The following SRP19 variants were observed in gnomAD, a reference collection of about 807,000 sequenced individuals.
SRP19 encodes the protein signal recognition particle 19 kDa protein.
SRP19 carries 11 observed loss-of-function variants against 22.4 expected under a neutral mutation model. That is an observed-to-expected ratio of 0.49 (90% CI 0.31 to 0.81). SRP19 has a LOEUF of 0.81. SRP19 is among the 40% of genes least tolerant of loss of function. The pLI is 0.05. For synonymous variants in SRP19, 61 were observed against 57.6 expected (o/e 1.06, Z -0.27); for missense variants, 168 against 175.9 (o/e 0.96, Z 0.25).
chr5:112,891,472 G>A, intron 4 of SRP19: 2 of 886,298 alleles, frequency 2.3e-6, no homozygotes, highest in Admixed American at 5.9e-5. Flanking sequence ...ATATAAAGGA[G>A]AAACAAAATG....
At chr5:112,882,317 C>T (rs1768104228) in intron 4 of SRP19, among the ~76,000 whole-genome samples, 1 of 152,070 alleles carries the variant, frequency 6.6e-6, no homozygotes, top group African/African-American at 2.4e-5. Flanking sequence ...TGCTTTTTTG[C>T]TCATTGTAGA....
Position 112,867,834 on chromosome 5 carries a change from A to G in SRP19, c.*297A>G. The G allele has an allele frequency of 1.9e-6, 2 of 1,061,112 alleles. No individual in the cohort carries two copies. The highest frequency in any genetic ancestry group is 2.3e-6 in the Non-Finnish European group (2 of 878,280). 65.7% of individuals were successfully genotyped at this position (1,061,112 alleles called of 1,614,324 possible). ...TAAGTTACTTGAAATAAGTTGTTTC[A>G]GATAAATTTCAATTAGATTTAAAAT... On this transcript the variant is annotated 3_prime_UTR_variant, in exon 5 of 5. Transcript: ENST00000505459.
intron 4 of SRP19, among the ~76,000 whole-genome samples, chr5:112,866,602 T>A (rs1380384721): frequency 6.6e-6 from 1 of 152,210 alleles, no homozygotes; most frequent in African/African-American, 2.4e-5. Flanking sequence ...AGAGCTGAGA[T>A]TACAGACATG....
At chr5:112,879,616 T>A (rs1008856812) in intron 4 of SRP19, among the ~76,000 whole-genome samples, 1 of 151,940 alleles carries the variant, frequency 6.6e-6, no homozygotes, top group South Asian at 2.1e-4. Context: ...TGGGACTACA[T>A]GCACTCACCA....
At chr5:112,865,585 A>G (rs939225150) in intron 4 of SRP19, among the ~76,000 whole-genome samples, 7 of 151,806 alleles carry the variant, frequency 4.6e-5, no homozygotes. Flanking sequence ...AAATCGTCAG[A>G]CGAACTGACA....
At chr5:112,864,997 C>T in intron 4 of SRP19, 1 of 274,978 alleles carries the variant, frequency 3.6e-6, no homozygotes, top group Non-Finnish European at 6.8e-6. Flanking sequence ...TCTGTCATTG[C>T]TCCCAGGTTA....
intron 1 of SRP19, among the ~76,000 whole-genome samples, chr5:112,862,202 A>T (rs1767425863): frequency 6.6e-6 from 1 of 152,200 alleles, no homozygotes; most frequent in Non-Finnish European, 1.5e-5. Context: ...TGTTGGTTAC[A>T]GAATTTTCTA....
intron 4 of SRP19, among the ~76,000 whole-genome samples, chr5:112,866,262 A>G (rs1767602487): frequency 6.6e-6 from 1 of 152,042 alleles, no homozygotes; most frequent in Admixed American, 6.6e-5. Context: ...GATTTCAGGC[A>G]TGAGCCACCA....
At chr5:112,878,241 T>A (rs1767957229) in intron 4 of SRP19, 1 of 152,934 alleles carries the variant, frequency 6.5e-6, no homozygotes, top group South Asian at 2.1e-4. Context: ...TGGCAGGTGG[T>A]CTTACTGTAC....
downstream of SRP19, among the ~76,000 whole-genome samples, chr5:112,874,172 C>CAA (rs1279987290): frequency 6.6e-6 from 1 of 151,762 alleles, no homozygotes; most frequent in African/African-American, 2.4e-5. Context: ...TCTCAAAAAA[C>CAA]AAAAAACCAC....
At chr5:112,886,589 T>A (rs1768252857) in intron 4 of SRP19, among the ~76,000 whole-genome samples, 1 of 152,358 alleles carries the variant, frequency 6.6e-6, no homozygotes, top group African/African-American at 2.4e-5. Context: ...ATTATAGAAA[T>A]TTACTACGTA....
At chr5:112,878,924 T>C in intron 4 of SRP19, 2 of 1,572,180 alleles carry the variant, frequency 1.3e-6, no homozygotes, top group Non-Finnish European at 1.7e-6. Context: ...ATGTAGCTAC[T>C]AGATAACAAA....
intron 4 of SRP19, among the ~76,000 whole-genome samples, chr5:112,866,826 G>T (rs1580715921): frequency 6.6e-6 from 1 of 152,210 alleles, no homozygotes; most frequent in Non-Finnish European, 1.5e-5. Context: ...GGTAGAAGTT[G>T]TGGTGAGAAC....
downstream of SRP19, chr5:112,896,696 G>T (rs914324218): frequency 6.6e-6 from 1 of 151,996 alleles, no homozygotes; most frequent in African/African-American, 2.4e-5. Flanking sequence ...AGCACTTCGG[G>T]AGGCTGAGGT....
downstream of SRP19, chr5:112,895,102 TGTG>T (rs1317256444): frequency 6.6e-6 from 1 of 151,696 alleles, no homozygotes; most frequent in Non-Finnish European, 1.5e-5. Context: ...AGCCGGGCAT[TGTG>T]GTGGGCACCC....
At chr5:112,891,788 A>G (rs777874542) in exon 5 of SRP19, 3 of 1,609,180 alleles carry the variant, frequency 1.9e-6, no homozygotes, top group Admixed American at 1.7e-5. Flanking sequence ...GGACTCTCAC[A>G]GGAGGAGGAA....
intron 2 of SRP19, among the ~76,000 whole-genome samples, chr5:112,863,386 C>T (rs1767478847): frequency 6.6e-6 from 1 of 152,056 alleles, no homozygotes; most frequent in East Asian, 1.9e-4. Flanking sequence ...GCACCATTGC[C>T]GATTTGAGCT....
chr5:112,886,709 T>A (rs544189427), intron 4 of SRP19, among the ~76,000 whole-genome samples: 2 of 152,184 alleles, frequency 1.3e-5, no homozygotes, highest in Non-Finnish European at 1.5e-5. Flanking sequence ...AAATAAACAA[T>A]TAGAAGAGAT....
intron 4 of SRP19, chr5:112,878,844 T>C: frequency 1.2e-6 from 2 of 1,614,000 alleles, no homozygotes; most frequent in Non-Finnish European, 1.7e-6. Context: ...CGCTGTTTGT[T>C]TGTTAGGAGG....
Sources: gnomAD v4.1 joint callset for allele counts (sites outside exome capture counted in the v4.1 genomes callset) on GRCh38, gnomAD v4.1.1 for gene constraint, MANE v1.5 for transcripts, NCBI Gene and HGNC (gene_info 2026-07-23, HGNC 2026-07-21) for gene names.